Variants in NR5A2 observed in about 807,000 individuals in gnomAD.
The protein encoded by NR5A2 is CYP7A promoter-binding factor.
In NR5A2, 26 loss-of-function variants were observed where a neutral mutation model predicts 62.7. That is an observed-to-expected ratio of 0.41 (90% CI 0.30 to 0.58). The LOEUF (loss-of-function observed/expected upper bound fraction) is 0.58. Ranked by LOEUF, NR5A2 falls within the 20% of genes least tolerant of loss-of-function variation. The pLI is 0.22. For synonymous variants in NR5A2, 246 were observed against 241.7 expected (o/e 1.02, Z -0.16); for missense variants, 541 against 669.1 (o/e 0.81, Z 2.11).
chr1:200,176,575 G>A lies in NR5A2; in HGVS notation c.*2365G>A, dbSNP rs1363455014. The A allele has an allele frequency of 1.3e-5, 2 of 152,232 alleles. No homozygotes were observed. The highest frequency in any genetic ancestry group is 3.8e-4 in the East Asian group (2 of 5,200). 9.4% of individuals were successfully genotyped at this position (152,232 alleles called of 1,614,324 possible). A position where few individuals can be genotyped will look rare whatever the true frequency, so the allele number is the denominator to read the frequency against. On this transcript the variant is annotated 3_prime_UTR_variant, in exon 8 of 8. Transcript: ENST00000367362. ...AACGGTTCTATCATGCATGTGTAAT[G>A]TGGATGGAGACAATTATAAGATTTG...
rs1381496235 is a variant in NR5A2 at position 200,176,500 on chromosome 1, A to G, written c.*2290A>G. 2.6e-5 allele frequency: 4 copies of G among 152,356 alleles called. No homozygotes were observed. Among genetic ancestry groups the G allele is most frequent in the Non-Finnish European group, 5.9e-5 (4 of 68,052 alleles). The allele number at this position is 152,356 out of a possible 1,614,324, so 9.4% of individuals were successfully genotyped here. Reference sequence around the variant, plus strand: ...CATTGCCCTCCCCAGCTGAAAAACAAGTTGGCTAGAAGATACATGGAGAGG... The same window carrying G: ...CATTGCCCTCCCCAGCTGAAAAACAGGTTGGCTAGAAGATACATGGAGAGG... On this transcript the variant is annotated 3_prime_UTR_variant, in exon 8 of 8. Coordinates refer to ENST00000367362, the MANE Select transcript of NR5A2 (RefSeq NM_205860.3).
At chr1:200,064,820 T>C (rs1310686323) in intron 5 of NR5A2, among the ~76,000 whole-genome samples, 1 of 152,250 alleles carries the variant, frequency 6.6e-6, no homozygotes, top group African/African-American at 2.4e-5. Flanking sequence ...TCCTTAGTTA[T>C]TTTTGTTATT....
chr1:200,102,538 G>A (rs937705138), intron 5 of NR5A2, among the ~76,000 whole-genome samples: 7 of 152,254 alleles, frequency 4.6e-5, no homozygotes, highest in Middle Eastern at 6.8e-3. Context: ...ACATGTGAAC[G>A]TTGGGCAGGA....
intron 5 of NR5A2, among the ~76,000 whole-genome samples, chr1:200,051,674 A>C (rs1662641355): frequency 6.6e-6 from 1 of 151,874 alleles, no homozygotes; most frequent in Admixed American, 6.6e-5. Flanking sequence ...TTTTTGGTGA[A>C]CAAAGAGTAG....
rs930358203 is a variant in NR5A2 at position 200,081,814 on chromosome 1, G to C, written c.1111-29388G>C. On this transcript the variant is annotated intron_variant, in intron 5 of 7. Coordinates refer to ENST00000367362, the MANE Select transcript of NR5A2 (RefSeq NM_205860.3). Reference sequence around the variant, plus strand: ...ATAGAAGAGGCATACTTAGCACTCTGTTTGTTATTCTATACTGTTCATTTT... The same window carrying C: ...ATAGAAGAGGCATACTTAGCACTCTCTTTGTTATTCTATACTGTTCATTTT... Among the ~76,000 whole-genome samples, 6 of 145,818 alleles carry C rather than the reference G, an allele frequency of 4.1e-5. No homozygotes were observed. In the East Asian group the frequency reaches 1.0e-3, roughly 24 times the overall value.
At chr1:200,090,781 G>T (rs566240597) in intron 5 of NR5A2, among the ~76,000 whole-genome samples, 1 of 152,144 alleles carries the variant, frequency 6.6e-6, no homozygotes, top group Non-Finnish European at 1.5e-5. Flanking sequence ...GGGCCAGTTT[G>T]AGGACAGCAC....
chr1:200,083,565 G>A (rs890510955), intron 5 of NR5A2, among the ~76,000 whole-genome samples: 4 of 152,296 alleles, frequency 2.6e-5, no homozygotes, highest in South Asian at 4.1e-4. Flanking sequence ...TGTGTGTATC[G>A]TAAAGACCTA....
chr1:200,128,306 G>T (rs963971312), intron 7 of NR5A2, among the ~76,000 whole-genome samples: 3 of 152,194 alleles, frequency 2.0e-5, no homozygotes, highest in African/African-American at 7.2e-5. Flanking sequence ...AACCTGTGTT[G>T]TGCAAGGGTC....
At chr1:200,109,809 G>A (rs1426265784) in intron 5 of NR5A2, among the ~76,000 whole-genome samples, 1 of 152,234 alleles carries the variant, frequency 6.6e-6, no homozygotes, top group African/African-American at 2.4e-5. Context: ...CTGTCACCCA[G>A]GCTGGAGTGC....
chr1:200,104,710 T>A (rs961806750), intron 5 of NR5A2, among the ~76,000 whole-genome samples: 1 of 152,228 alleles, frequency 6.6e-6, no homozygotes, highest in Non-Finnish European at 1.5e-5. Flanking sequence ...TCACCCAGGC[T>A]GGAGCGCAGT....
At chr1:200,029,532 A>C (rs1480569906) in intron 1 of NR5A2, 2 of 152,566 alleles carry the variant, frequency 1.3e-5, no homozygotes, top group Non-Finnish European at 2.9e-5. Flanking sequence ...CAGCTCTGGA[A>C]TCGGTCCCAC....
In NR5A2 at chr1:200,116,201, G is replaced by A. The variant is rs1666206912; in HGVS notation, c.1231-4607G>A. On this transcript the variant is annotated intron_variant, in intron 6 of 7. Transcript: ENST00000367362. ...TGATTTTGTTTCACCTTGAAAGCAT[G>A]TATGTCATGTCTACACATTGCTTTA... Among the ~76,000 whole-genome samples the A allele has an allele frequency of 3.9e-5, 6 of 152,296 alleles. No individual in the cohort carries two copies. The South Asian group carries it at 6.2e-4, about 16-fold the overall frequency.
rs1663615166 is a variant in NR5A2 at position 200,068,848 on chromosome 1, AGAT to A, written c.1110+20037_1110+20039del. On this transcript the variant is annotated intron_variant, in intron 5 of 7. Transcript: ENST00000367362. ...TAGAAATAAAGATAGAAATCTACAC[AGAT>A]GATGATATTTTAAAATTTGGTAAAA... is the stretch of plus-strand genomic sequence containing the variant. Among the ~76,000 whole-genome samples, 3 of 152,240 alleles carry A rather than the reference AGAT, an allele frequency of 2.0e-5. No individual in the cohort carries two copies. The South Asian group carries it at 6.2e-4, about 32-fold the overall frequency.
chr1:200,165,847 A>G (rs1157464397), intron 7 of NR5A2, among the ~76,000 whole-genome samples: 2 of 152,228 alleles, frequency 1.3e-5, no homozygotes, highest in African/African-American at 2.4e-5. Flanking sequence ...CATTTTCTTC[A>G]TAACCATTTA....
chr1:200,089,540 G>C (rs771110851), intron 5 of NR5A2, among the ~76,000 whole-genome samples: 5 of 152,074 alleles, frequency 3.3e-5, no homozygotes. Context: ...GCACCACCTC[G>C]GCTCACTGCA....
intron 5 of NR5A2, among the ~76,000 whole-genome samples, chr1:200,076,862 C>T (rs1210212095): frequency 6.6e-6 from 1 of 152,130 alleles, no homozygotes; most frequent in East Asian, 1.9e-4. Flanking sequence ...TACAAAGGAA[C>T]TTCCACTAAC....
chr1:200,065,079 C>G (rs1437839855), intron 5 of NR5A2, among the ~76,000 whole-genome samples: 2 of 152,052 alleles, frequency 1.3e-5, no homozygotes, highest in East Asian at 3.8e-4. Context: ...TCCACCATGC[C>G]CAGCCTTCAG....
chr1:200,038,922 G>GA (rs1468634015), intron 1 of NR5A2: 7 of 399,112 alleles, frequency 1.8e-5, no homozygotes, highest in Non-Finnish European at 2.6e-5. Context: ...CCTGAGTCCG[G>GA]AACCCGCGTC....
intron 7 of NR5A2, among the ~76,000 whole-genome samples, chr1:200,150,525 A>G (rs1388106717): frequency 6.6e-6 from 1 of 152,228 alleles, no homozygotes; most frequent in Non-Finnish European, 1.5e-5. Flanking sequence ...AGCTCCAGTA[A>G]TTAATGGGCT....
Sources: allele counts gnomAD v4.1 joint callset (sites outside exome capture counted in the v4.1 genomes callset), GRCh38; gene constraint gnomAD v4.1.1; transcripts MANE v1.5; gene names NCBI Gene and HGNC (gene_info 2026-07-23, HGNC 2026-07-21).